Variants in SERPING1 observed in about 807,000 individuals in gnomAD.
The protein encoded by SERPING1 is serpin family G member 1, also known as plasma protease C1 inhibitor.
A neutral mutation model predicts 34.1 loss-of-function variants in SERPING1; 5 were observed. The observed-to-expected ratio is 0.15, with a 90% CI of 0.08 to 0.31. The LOEUF (loss-of-function observed/expected upper bound fraction) is 0.31, where lower values mean the gene tolerates loss of function less well. SERPING1 is among the 10% of genes least tolerant of loss of function. The pLI, the probability that SERPING1 is intolerant of heterozygous loss-of-function variation, is 1.00. For missense variants in SERPING1, 505 were observed against 609.5 expected (o/e 0.83, Z 1.81); for synonymous variants, 225 against 242.4 (o/e 0.93, Z 0.67).
chr11:57,604,654 A>G (rs945974318), intron 4 of SERPING1, among the ~76,000 whole-genome samples: 1 of 152,048 alleles, frequency 6.6e-6, no homozygotes, highest in Admixed American at 6.5e-5. Flanking sequence ...CCTTTTTAAA[A>G]AAAAAAGGAA....
In SERPING1 at chr11:57,597,692, A is replaced by G. The variant is rs1945303170; in HGVS notation, c.-53A>G. 1 of 143,046 alleles carries G rather than the reference A, an allele frequency of 7.0e-6. No homozygotes were observed. The highest frequency in any genetic ancestry group is 2.6e-5 in the African/African-American group (1 of 39,166). 8.9% of individuals were successfully genotyped at this position (143,046 alleles called of 1,614,324 possible). On this transcript the variant is annotated 5_prime_UTR_variant, in exon 1 of 8. Coordinates refer to ENST00000278407, the MANE Select transcript of SERPING1 (RefSeq NM_000062.3). Reference sequence around the variant, plus strand: ...CTGGGGGACTCTCTACTCAGTCTGCACTGGAGCTGCCTGGTGACCAGAAGT... The same window carrying G: ...CTGGGGGACTCTCTACTCAGTCTGCGCTGGAGCTGCCTGGTGACCAGAAGT...
intron 2 of SERPING1, among the ~76,000 whole-genome samples, chr11:57,599,299 C>T (rs970477262): frequency 6.6e-6 from 1 of 152,116 alleles, no homozygotes; most frequent in South Asian, 2.1e-4. Flanking sequence ...GCCAAATATC[C>T]CCTGGGAGTC....
chr11:57,603,838 CAAA>C (rs1259067706), intron 4 of SERPING1, among the ~76,000 whole-genome samples: 2 of 67,140 alleles, frequency 3.0e-5, no homozygotes, highest in Non-Finnish European at 5.8e-5. Context: ...GACACCATCT[CAAA>C]AAAAAAAAAA....
In SERPING1 at chr11:57,598,291, G is replaced by A. The variant is rs201088164; in HGVS notation, c.21G>A (p.Leu7=). 1 of 1,563,730 alleles carries A rather than the reference G, an allele frequency of 6.4e-7. No homozygotes were observed. The highest frequency in any genetic ancestry group is 1.2e-5 in the South Asian group (1 of 85,252). MASRLT[L]LTLLLLLLAG... ...CCCAGATGGCCTCCAGGCTGACCCT[G>A]CTGACCCTCCTGCTGCTGCTGCTGG... The change falls in exon 2 of 8, where the codon CTG becomes CTA. Residue 7 remains leucine, a synonymous_variant. Transcript: ENST00000278407.
At chr11:57,614,106 G>A (rs1945508871) in intron 7 of SERPING1, among the ~76,000 whole-genome samples, 1 of 152,088 alleles carries the variant, frequency 6.6e-6, no homozygotes, top group Non-Finnish European at 1.5e-5. Flanking sequence ...TTTTAGGGAT[G>A]AGGGGCAAGG....
rs1473926693 is a variant in SERPING1, at chr11:57,598,245, G to A, written c.-22-4G>A. 6 of 1,543,992 alleles carry A rather than the reference G, an allele frequency of 3.9e-6. No individual in the cohort carries two copies. Among genetic ancestry groups the A allele is most frequent in the Non-Finnish European group, 5.3e-6 (6 of 1,142,450 alleles). On this transcript the variant is annotated splice_polypyrimidine_tract_variant and splice_region_variant and intron_variant, in intron 1 of 7. Transcript: ENST00000278407. ...GCTGGCTCCGAGGCTGGCTGGCTCC[G>A]CAGGTCCGCTGACGTCGCCGCCCAG... is the stretch of plus-strand genomic sequence containing the variant.
Position 57,610,691 on chromosome 11 carries a change from T to TA in SERPING1, c.1030-1024dup, listed in dbSNP as rs140145961. Among the ~76,000 whole-genome samples, 1,299 of 152,320 alleles carry TA rather than the reference T, an allele frequency of 8.5e-3. 22 individuals are homozygous for TA. Among genetic ancestry groups the TA allele is most frequent in the African/African-American group, 0.029 (1,212 of 41,558 alleles). The stretch of plus-strand genomic sequence containing the variant: ...GGCACTATTGACATATTGGGTCAGA[T>TA]AATTCTTTGTCCTGTGCATTGTAGA... On this transcript the variant is annotated intron_variant, in intron 6 of 7. Coordinates refer to ENST00000278407, the MANE Select transcript of SERPING1 (RefSeq NM_000062.3).
In SERPING1 at chr11:57,599,951, G is replaced by A. The variant is rs778625408; in HGVS notation, c.124G>A (p.Glu42Lys). ...QDPESLQDRG[E>K]GKVATTVISK... Reference sequence around the variant, plus strand: ...TCCAGAGAGTTTGCAAGACAGAGGCGAAGGGAAGGTCGCAACAACAGTTAT... The same window carrying A: ...TCCAGAGAGTTTGCAAGACAGAGGCAAAGGGAAGGTCGCAACAACAGTTAT... Residue 42 changes from glutamate to lysine, a missense_variant, in exon 3 of 8, where the codon GAA (glutamate) becomes AAA (lysine). Glu to Lys is a moderately conservative substitution (Grantham distance 56). Coordinates refer to ENST00000278407, the MANE Select transcript of SERPING1 (RefSeq NM_000062.3). 78 of 1,614,054 alleles carry A rather than the reference G, an allele frequency of 4.8e-5. No homozygotes were observed. Among genetic ancestry groups the A allele is most frequent in the Non-Finnish European group, 6.2e-5 (73 of 1,180,046 alleles).
intron 7 of SERPING1, among the ~76,000 whole-genome samples, chr11:57,614,051 A>G (rs969418908): frequency 6.6e-6 from 1 of 151,956 alleles, no homozygotes; most frequent in Non-Finnish European, 1.5e-5. Context: ...CTCACTTCCA[A>G]GGTCCTGGGA....
At chr11:57,611,500 G>C in intron 6 of SERPING1, 1 of 598,486 alleles carries the variant, frequency 1.7e-6, no homozygotes, top group Non-Finnish European at 3.0e-6. Context: ...AGAAACTCAT[G>C]CTCCTTCCTC....
Position 57,600,162 on chromosome 11 carries a change from A to G in SERPING1, c.335A>G (p.Asp112Gly), listed in dbSNP as rs1407130108. The change falls in exon 3 of 8, where the codon GAT (aspartate) becomes GGT (glycine). Residue 112 changes from aspartate to glycine, a missense_variant. Physicochemically the swap from Asp to Gly is moderately conservative, Grantham distance 94 (BLOSUM62 -1). Transcript: ENST00000278407. Reference protein sequence around the residue: ...PTQPTTQLPTDSPTQPTTGSF... With the variant: ...PTQPTTQLPTGSPTQPTTGSF... ...CAACCAACTACCCAGCTCCCAACAG[A>G]TTCTCCTACCCAGCCCACTACTGGG... The G allele has an allele frequency of 1.9e-6, 3 of 1,613,248 alleles. No individual in the cohort carries two copies. The highest frequency in any genetic ancestry group is 2.5e-6 in the Non-Finnish European group (3 of 1,179,788).
intron 1 of SERPING1, 61 bp from the exon 2 acceptor site, chr11:57,598,187 CG>C: frequency 2.4e-6 from 3 of 1,253,150 alleles, no homozygotes; most frequent in Non-Finnish European, 3.3e-6. Flanking sequence ...GGGCCCCGGG[CG>C]GGGTGGGGGC....
At chr11:57,606,274 C>T (rs1041113154) in intron 5 of SERPING1, 61 bp downstream of exon 5, 122 of 1,604,912 alleles carry the variant, frequency 7.6e-5, no homozygotes, top group Non-Finnish European at 9.2e-5. Flanking sequence ...CTCCTGGCTT[C>T]AAAGCCCACT....
Position 57,611,718 on chromosome 11 carries a change from T to C in SERPING1, c.1031T>C (p.Val344Ala). Residue 344 changes from valine (V) to alanine (A), a missense_variant and splice_region_variant, in exon 7 of 8, where the codon GTG becomes GCG. By Grantham distance (64) the Val-to-Ala change is moderately conservative (BLOSUM62 0). Coordinates refer to ENST00000278407, the MANE Select transcript of SERPING1 (RefSeq NM_000062.3). ...HFIDQTLKAK[V>A]GQLQLSHNLS... ...TAAGATGCATCTCTTATTTTCTAGG[T>C]GGGGCAGCTGCAGCTCTCCCACAAT... 1 of 1,613,972 alleles carries C rather than the reference T, an allele frequency of 6.2e-7. No homozygotes were observed. Among genetic ancestry groups the C allele is most frequent in the Non-Finnish European group, 8.5e-7 (1 of 1,179,868 alleles).
At chr11:57,608,283 A>G (rs1945434685) in intron 6 of SERPING1, among the ~76,000 whole-genome samples, 2 of 152,222 alleles carry the variant, frequency 1.3e-5, no homozygotes, top group African/African-American at 4.8e-5. Context: ...TTCGAATTAT[A>G]AGAACAAGTA....
At chr11:57,597,831 G>T in intron 1 of SERPING1, 109 bp downstream of exon 1, 1 of 163,632 alleles carries the variant, frequency 6.1e-6, no homozygotes, top group Admixed American at 6.3e-5. Context: ...TTGATCTCGG[G>T]GGTCTCTATA....
chr11:57,599,748 C>A, intron 2 of SERPING1, 131 bp from the exon 3 acceptor site: 1 of 1,270,716 alleles, frequency 7.9e-7, no homozygotes, highest in Non-Finnish European at 1.1e-6. Flanking sequence ...TGCTCATCTG[C>A]CGCACTGTCA....
Position 57,600,080 on chromosome 11 carries a change from GAACCCACCACAC to G in SERPING1, c.265_276del (p.Gln89_Thr92del), listed in dbSNP as rs763861580. ...CAAAATAACAGCTAATACCACTGATGAACCCACCACACAACCCACCACAGAGCCCACCACCCA... is the reference window on the plus strand; with the variant it reads ...CAAAATAACAGCTAATACCACTGATGAACCCACCACAGAGCCCACCACCCA... On this transcript the variant is annotated inframe_deletion, in exon 3 of 8. Transcript: ENST00000278407. The G allele has an allele frequency of 1.4e-5, 22 of 1,613,260 alleles. No homozygotes were observed. The East Asian group carries it at 3.6e-4, about 26-fold the overall frequency.
At position 57,600,186 on chromosome 11, in the gene SERPING1, G is replaced by A. The variant is rs1239945433; in HGVS notation, c.359G>A (p.Gly120Glu). 1 of 1,613,538 alleles carries A rather than the reference G, an allele frequency of 6.2e-7. No individual in the cohort carries two copies. Among genetic ancestry groups the A allele is most frequent in the African/African-American group, 1.3e-5 (1 of 74,730 alleles). The change falls in exon 3 of 8, where the codon GGG becomes GAG. Residue 120 changes from glycine to glutamate, a missense_variant. By Grantham distance (98) the Gly-to-Glu change is moderately conservative. Transcript: ENST00000278407. Reference sequence around the variant, plus strand: ...GATTCTCCTACCCAGCCCACTACTGGGTCCTTCTGCCCAGGACCTGTTACT... The same window carrying A: ...GATTCTCCTACCCAGCCCACTACTGAGTCCTTCTGCCCAGGACCTGTTACT... ...PTDSPTQPTT[G>E]SFCPGPVTLC...
Sources: allele counts gnomAD v4.1 joint callset (sites outside exome capture counted in the v4.1 genomes callset), GRCh38; gene constraint gnomAD v4.1.1; transcripts MANE v1.5; gene names NCBI Gene and HGNC (gene_info 2026-07-23, HGNC 2026-07-21).